KLHL29: variants seen among roughly 807,000 people sequenced by gnomAD.
KLHL29 encodes kelch-like protein 29.
In KLHL29, 21 loss-of-function variants were observed where a neutral mutation model predicts 80.4. That is an observed-to-expected ratio of 0.26 (90% CI 0.19 to 0.38). The LOEUF is 0.38. Ranked by LOEUF, KLHL29 falls within the 10% of genes least tolerant of loss-of-function variation. The pLI, the probability that KLHL29 is intolerant of heterozygous loss-of-function variation, is 1.00. For missense variants in KLHL29, 867 were observed against 1,223.9 expected, an observed-to-expected ratio of 0.71 and a Z score of 4.35; for synonymous variants, 511 against 526.8, an observed-to-expected ratio of 0.97 and a Z score of 0.41.
chr2:23,576,451 C>T (rs1339119974), intron 3 of KLHL29, among the ~76,000 whole-genome samples: 1 of 152,112 alleles, frequency 6.6e-6, no homozygotes, highest in Non-Finnish European at 1.5e-5. Context: ...TTGTCATCTG[C>T]TGAGATTAGA....
intron 5 of KLHL29, among the ~76,000 whole-genome samples, chr2:23,663,376 G>A (rs1670468382): frequency 6.6e-6 from 1 of 152,220 alleles, no homozygotes; most frequent in African/African-American, 2.4e-5. Context: ...GGTTGCCTGT[G>A]CCCGGCAGGA....
chr2:23,554,854 C>T (rs966925911), intron 2 of KLHL29, among the ~76,000 whole-genome samples: 6 of 152,268 alleles, frequency 3.9e-5, no homozygotes, highest in South Asian at 2.1e-4. Flanking sequence ...GCAGGGCTGC[C>T]GATCCGATCT....
At chr2:23,639,722 A>G (rs1475516524) in intron 4 of KLHL29, among the ~76,000 whole-genome samples, 1 of 152,092 alleles carries the variant, frequency 6.6e-6, no homozygotes, top group African/African-American at 2.4e-5. Context: ...TTCTTTGGAC[A>G]GCTCCAGCCA....
intron 3 of KLHL29, among the ~76,000 whole-genome samples, chr2:23,572,171 G>A (rs1409855755): frequency 2.6e-5 from 4 of 152,164 alleles, no homozygotes; most frequent in African/African-American, 9.7e-5. Flanking sequence ...TGAGCCAGGA[G>A]GTCACTGGAG....
intron 1 of KLHL29, among the ~76,000 whole-genome samples, chr2:23,429,377 A>T (rs1172463914): frequency 1.3e-5 from 2 of 152,242 alleles, no homozygotes; most frequent in Non-Finnish European, 2.9e-5. Flanking sequence ...CCTGAGGGAC[A>T]GAGCTTTGGT....
At chr2:23,394,160 C>T (rs1238518221) in intron 1 of KLHL29, among the ~76,000 whole-genome samples, 3 of 152,198 alleles carry the variant, frequency 2.0e-5, no homozygotes, top group African/African-American at 2.4e-5. Context: ...TGGTGAAGAG[C>T]GGTGAAATTG....
chr2:23,472,606 C>A (rs1664525123), intron 1 of KLHL29, among the ~76,000 whole-genome samples: 1 of 152,132 alleles, frequency 6.6e-6, no homozygotes, highest in Non-Finnish European at 1.5e-5. Context: ...TGCACTCCAG[C>A]CTGGGCAACA....
chr2:23,602,397 G>T (rs1231323566), intron 3 of KLHL29, among the ~76,000 whole-genome samples: 2 of 152,148 alleles, frequency 1.3e-5, no homozygotes, highest in Non-Finnish European at 2.9e-5. Context: ...GAGACATTCT[G>T]TCCTGGTCGG....
In KLHL29 at chr2:23,689,016, G is replaced by A. The variant is rs114969986; in HGVS notation, c.1080-2658G>A. ...GTCTGATGTCCAGGGATACAGAGGC[G>A]CCCCCACCCCCTCACAGCTCTGCAG... is the stretch of plus-strand genomic sequence containing the variant. On this transcript the variant is annotated intron_variant, in intron 6 of 13. Coordinates refer to ENST00000486442, the MANE Select transcript of KLHL29 (RefSeq NM_052920.2). 2.6e-3 allele frequency: 393 copies of A among 152,670 alleles called. 2 individuals carry two copies. The highest frequency in any genetic ancestry group is 7.7e-3 in the African/African-American group (320 of 41,350). The allele number at this position is 152,670 out of a possible 1,614,324, so 9.5% of individuals were successfully genotyped here.
rs935546880 is a variant in KLHL29 at position 23,680,041 on chromosome 2, C to T, written c.941-4358C>T. ...GAGGGCTGTGCTGCCCCTTCAGCCCCGAAGGATTTGTGTGGCCAGTGGCTG... is the reference window on the plus strand; with the variant it reads ...GAGGGCTGTGCTGCCCCTTCAGCCCTGAAGGATTTGTGTGGCCAGTGGCTG... On this transcript the variant is annotated intron_variant, in intron 5 of 13. Transcript: ENST00000486442. This position sits in a 1 kb window ranked among gnomAD's most constrained non-coding sequence, Gnocchi z 4.1. Among the ~76,000 whole-genome samples, 7 of 152,228 alleles carry T rather than the reference C, an allele frequency of 4.6e-5. No homozygotes were observed. Among genetic ancestry groups the T allele is most frequent in the African/African-American group, 1.2e-4 (5 of 41,532 alleles).
chr2:23,593,781 A>G (rs1188496676), intron 3 of KLHL29, among the ~76,000 whole-genome samples: 1 of 152,212 alleles, frequency 6.6e-6, no homozygotes, highest in Non-Finnish European at 1.5e-5. Flanking sequence ...CTCAGCCTGC[A>G]CAGCTCCAAG....
At chr2:23,693,039 C>T (rs918127609) in intron 7 of KLHL29, among the ~76,000 whole-genome samples, 13 of 152,070 alleles carry the variant, frequency 8.5e-5, no homozygotes, top group South Asian at 2.1e-4. Flanking sequence ...AGGACCTGTG[C>T]GCACAGAGGG....
At chr2:23,477,728 C>T (rs1572345296) in intron 2 of KLHL29, among the ~76,000 whole-genome samples, 1 of 152,232 alleles carries the variant, frequency 6.6e-6, no homozygotes, top group Non-Finnish European at 1.5e-5. Flanking sequence ...GAAAACAAGA[C>T]AGCGCAGCGT....
At chr2:23,642,121 C>T (rs570390343) in intron 4 of KLHL29, among the ~76,000 whole-genome samples, 4 of 152,306 alleles carry the variant, frequency 2.6e-5, no homozygotes, top group African/African-American at 9.6e-5. Flanking sequence ...AGGCAGGCCT[C>T]ACTTCCTCCT....
At chr2:23,633,040 C>G (rs1558416669) in intron 3 of KLHL29, among the ~76,000 whole-genome samples, 1 of 152,216 alleles carries the variant, frequency 6.6e-6, no homozygotes, top group African/African-American at 2.4e-5. Flanking sequence ...GTGAGCATCC[C>G]TTGCCAGAAG....
intron 11 of KLHL29, among the ~76,000 whole-genome samples, chr2:23,702,917 A>C (rs941786928): frequency 6.6e-6 from 1 of 152,216 alleles, no homozygotes; most frequent in African/African-American, 2.4e-5. Context: ...GTGTGAGCAA[A>C]GGGATGGAGA....
chr2:23,440,007 C>T (rs1172496492), intron 1 of KLHL29, among the ~76,000 whole-genome samples: 1 of 150,778 alleles, frequency 6.6e-6, no homozygotes, highest in Non-Finnish European at 1.5e-5. Context: ...GTATTGGGTG[C>T]ATATATATTT....
At chr2:23,559,734 G>A (rs977686601) in intron 2 of KLHL29, among the ~76,000 whole-genome samples, 16 of 152,076 alleles carry the variant, frequency 1.1e-4, no homozygotes, top group African/African-American at 3.4e-4. Flanking sequence ...AGGGAGGTGG[G>A]GGTGGTGCTT....
rs567826685 is a variant in KLHL29, at chr2:23,586,642, T to A, written c.285+24161T>A. On this transcript the variant is annotated intron_variant, in intron 3 of 13. Coordinates refer to ENST00000486442, the MANE Select transcript of KLHL29 (RefSeq NM_052920.2). ...TCCCAAAGTGCTGGGATTACAGGCATGAGCCACCGCGCCCGGCCAGCGTTA... is the reference window on the plus strand; with the variant it reads ...TCCCAAAGTGCTGGGATTACAGGCAAGAGCCACCGCGCCCGGCCAGCGTTA... Among the ~76,000 whole-genome samples the A allele has an allele frequency of 2.0e-5, 3 of 152,278 alleles. No homozygotes were observed. In the East Asian group the frequency reaches 5.8e-4, roughly 29 times the overall value.
Sources: allele counts gnomAD v4.1 joint callset (sites outside exome capture counted in the v4.1 genomes callset), GRCh38; gene constraint gnomAD v4.1.1; non-coding constraint Gnocchi (gnomAD v3.1); transcripts MANE v1.5; gene names NCBI Gene and HGNC (gene_info 2026-07-23, HGNC 2026-07-21).